The following DIP2C variants were observed in gnomAD, a reference collection of about 807,000 sequenced individuals.
DIP2C encodes the protein disco-interacting protein 2 homolog C.
Under a neutral mutation model 192.4 loss-of-function variants are expected in DIP2C, and 33 were observed. The ratio of observed to expected loss-of-function variants is 0.17; its 90% confidence interval spans 0.13 to 0.23. The LOEUF (loss-of-function observed/expected upper bound fraction) is 0.23, where lower values mean the gene tolerates loss of function less well. Among genes scored for constraint, DIP2C ranks in the 10% least tolerant of loss-of-function variants. The probability of loss-of-function intolerance (pLI) is 1.00; values close to 1 mark genes in which losing one functional copy is unlikely to be tolerated. For synonymous variants in DIP2C, 979 were observed against 864.1 expected (o/e 1.13, Z -2.33); for missense variants, 1,537 against 2,110.1 (o/e 0.73, Z 5.32).
chr10:501,230 AAAT>A (rs1353761426), intron 1 of DIP2C, among the ~76,000 whole-genome samples: 3 of 152,196 alleles, frequency 2.0e-5, no homozygotes, highest in Non-Finnish European at 4.4e-5. Context: ...CTAGCTATTT[AAAT>A]AATAATGTTG....
intron 25 of DIP2C, among the ~76,000 whole-genome samples, chr10:348,986 C>G (rs1564596809): frequency 6.6e-6 from 1 of 152,214 alleles, no homozygotes; most frequent in Non-Finnish European, 1.5e-5. Context: ...GGTTTAATGT[C>G]TACATCATTT....
In DIP2C at chr10:540,420, T is replaced by C. The variant is rs186898314; in HGVS notation, c.86-53890A>G. On this transcript the variant is annotated intron_variant, in intron 1 of 36. Transcript: ENST00000280886. The stretch of plus-strand genomic sequence containing the variant: ...AGCTTCCACCTTCCCACATCTTCAA[T>C]AGTTCCTTTACACTGGGAACCAGAG... Among the ~76,000 whole-genome samples, 331 of 152,356 alleles carry C rather than the reference T, an allele frequency of 2.2e-3. 4 individuals are homozygous for C. The highest frequency in any genetic ancestry group is 7.0e-3 in the African/African-American group (293 of 41,586).
At position 345,118 on chromosome 10, in the gene DIP2C, C is replaced by T. The variant is rs371823831; in HGVS notation, c.3232-8G>A. Reference sequence around the variant, plus strand: ...ACAGGCAGAGCGACTCACCTGGCATCAGAGAGCGAGAATGGAGCCATGAAC... The same window carrying T: ...ACAGGCAGAGCGACTCACCTGGCATTAGAGAGCGAGAATGGAGCCATGAAC... On this transcript the variant is annotated splice_polypyrimidine_tract_variant and splice_region_variant and intron_variant, in intron 26 of 36. Coordinates refer to ENST00000280886, the MANE Select transcript of DIP2C (RefSeq NM_014974.3). 3 of 1,608,316 alleles carry T rather than the reference C, an allele frequency of 1.9e-6. No homozygotes were observed. Among genetic ancestry groups the T allele is most frequent in the African/African-American group, 1.3e-5 (1 of 75,014 alleles).
intron 26 of DIP2C, among the ~76,000 whole-genome samples, chr10:346,377 T>C (rs71492978): frequency 0.038 from 1,037 of 27,506 alleles, 395 homozygotes; most frequent in African/African-American, 0.046. Flanking sequence ...ACATATCGCG[T>C]ATAGTTCTCC....
At chr10:477,666 A>C (rs1843164547) in intron 2 of DIP2C, among the ~76,000 whole-genome samples, 2 of 140,874 alleles carry the variant, frequency 1.4e-5, no homozygotes, top group South Asian at 5.1e-4. Context: ...ATGAACAGGA[A>C]GTGGTGAATA....
intron 1 of DIP2C, among the ~76,000 whole-genome samples, chr10:641,139 C>CAAA (rs11441421): frequency 1.5e-3 from 223 of 146,898 alleles, no homozygotes; most frequent in African/African-American, 5.1e-3. Context: ...TTGCTAATTG[C>CAAA]AAAAAAAAAA....
rs1377925897 is a variant in DIP2C at position 425,298 on chromosome 10, TACAGC to T, written c.395-2270_395-2266del. On this transcript the variant is annotated intron_variant, in intron 4 of 36. Coordinates refer to ENST00000280886, the MANE Select transcript of DIP2C (RefSeq NM_014974.3). ...GCGGTGACTAATATGACACGGATGA[TACAGC>T]ATGACCAGCGGTGACTAATGTGACA... 1.5e-4 allele frequency among the ~76,000 whole-genome samples: 12 copies of T among 77,618 alleles called. No homozygotes were observed. In the South Asian group the frequency reaches 2.3e-3, roughly 15 times the overall value. The allele number at this position is 77,618 out of a possible 152,430, so 50.9% of individuals were successfully genotyped here. A position where few individuals can be genotyped will look rare whatever the true frequency, so the allele number is the denominator to read the frequency against.
intron 4 of DIP2C, among the ~76,000 whole-genome samples, chr10:428,739 T>A (rs1966752829): frequency 6.6e-6 from 1 of 152,160 alleles, no homozygotes; most frequent in South Asian, 2.1e-4. Flanking sequence ...TTTTCTCTTT[T>A]CCTTCTTATA....
intron 17 of DIP2C, among the ~76,000 whole-genome samples, chr10:377,316 C>A (rs1217481286): frequency 6.6e-6 from 1 of 152,212 alleles, no homozygotes; most frequent in East Asian, 1.9e-4. Flanking sequence ...CGTGGGGAGG[C>A]CCCTCCTCTG....
intron 35 of DIP2C, among the ~76,000 whole-genome samples, chr10:282,537 G>A (rs1448615036): frequency 2.0e-5 from 3 of 152,190 alleles, no homozygotes; most frequent in African/African-American, 2.4e-5. Context: ...AACCTCAACT[G>A]CCACTGTTGT....
At chr10:360,089 T>C (rs1177448517) in intron 22 of DIP2C, among the ~76,000 whole-genome samples, 2 of 151,768 alleles carry the variant, frequency 1.3e-5, no homozygotes, top group Admixed American at 6.6e-5. Context: ...AGATCAGGCT[T>C]TTTGTGGAGC....
intron 2 of DIP2C, chr10:484,910 G>C (rs770526121): frequency 6.2e-7 from 1 of 1,611,754 alleles, no homozygotes; most frequent in South Asian, 1.1e-5. Flanking sequence ...CCTTCACTGT[G>C]CTGCAGTCTA....
intron 2 of DIP2C, among the ~76,000 whole-genome samples, chr10:473,029 C>T (rs118124581): frequency 3.3e-5 from 5 of 151,754 alleles, no homozygotes; most frequent in Non-Finnish European, 7.4e-5. Flanking sequence ...CAGGACATAC[C>T]ATGAACGTCC....
chr10:379,727 A>G (rs10904075), intron 17 of DIP2C, among the ~76,000 whole-genome samples: 38,798 of 152,280 alleles, frequency 0.25, 6,081 homozygotes, highest in Non-Finnish European at 0.36. Context: ...TACTGCAGAT[A>G]ATCGTTATCC....
At chr10:550,714 C>CCT (rs1341340154) in intron 1 of DIP2C, among the ~76,000 whole-genome samples, 2 of 152,160 alleles carry the variant, frequency 1.3e-5, no homozygotes, top group African/African-American at 4.8e-5. Flanking sequence ...ATCCCTAGCC[C>CCT]CTCTCCCCCT....
chr10:505,447 C>G (rs571361191), intron 1 of DIP2C, among the ~76,000 whole-genome samples: 1 of 152,138 alleles, frequency 6.6e-6, no homozygotes, highest in Non-Finnish European at 1.5e-5. Context: ...ATCTATTAAC[C>G]CCCTGCCTGA....
At chr10:352,611 G>A (rs2132654259) in intron 24 of DIP2C, among the ~76,000 whole-genome samples, 1 of 152,328 alleles carries the variant, frequency 6.6e-6, no homozygotes, top group African/African-American at 2.4e-5. Flanking sequence ...CCATGGCCAG[G>A]CAGGGCCATG....
intron 1 of DIP2C, among the ~76,000 whole-genome samples, chr10:677,068 G>C (rs1830902580): frequency 6.6e-6 from 1 of 152,202 alleles, no homozygotes; most frequent in Admixed American, 6.5e-5. Flanking sequence ...GTACTATAAT[G>C]TGTCCATTAA....
intron 1 of DIP2C, among the ~76,000 whole-genome samples, chr10:554,275 G>T (rs188793788): frequency 8.3e-4 from 127 of 152,272 alleles, no homozygotes; most frequent in Middle Eastern, 3.4e-3. Flanking sequence ...GCTTGTAACT[G>T]TAAGAGTGGT....
Sources: allele counts gnomAD v4.1 joint callset (sites outside exome capture counted in the v4.1 genomes callset), GRCh38; gene constraint gnomAD v4.1.1; transcripts MANE v1.5; gene names NCBI Gene and HGNC (gene_info 2026-07-23, HGNC 2026-07-21).